ATP11A: variants seen among roughly 807,000 people sequenced by gnomAD.
ATP11A encodes the protein phospholipid-transporting ATPase IH.
Under a neutral mutation model 154.4 loss-of-function variants are expected in ATP11A, and 81 were observed. That is an observed-to-expected ratio of 0.52 (90% CI 0.44 to 0.63). ATP11A has a LOEUF of 0.63. Ranked by LOEUF, ATP11A falls within the 30% of genes least tolerant of loss-of-function variation. The pLI is 0.00. For missense variants in ATP11A, 1,316 were observed against 1,474.3 expected (o/e 0.89, Z 1.76); for synonymous variants, 623 against 585.9 (o/e 1.06, Z -0.91).
intron 20 of ATP11A, among the ~76,000 whole-genome samples, chr13:112,857,146 G>A (rs1373913571): frequency 6.6e-6 from 1 of 152,070 alleles, no homozygotes; most frequent in African/African-American, 2.4e-5. Context: ...ATTAACTTGT[G>A]TTTCAGTTTC....
At chr13:112,778,084 G>A (rs1305707981) in intron 1 of ATP11A, among the ~76,000 whole-genome samples, 1 of 152,184 alleles carries the variant, frequency 6.6e-6, no homozygotes, top group East Asian at 1.9e-4. Flanking sequence ...TCTTCCGTGT[G>A]AATCGTGGAA....
intron 17 of ATP11A, among the ~76,000 whole-genome samples, chr13:112,844,498 A>G (rs1008823835): frequency 2.0e-5 from 3 of 151,558 alleles, no homozygotes; most frequent in Non-Finnish European, 2.9e-5. Context: ...ATCCCTGCCA[A>G]CTCCCACTCG....
chr13:112,728,740 C>CTT, intron 1 of ATP11A, among the ~76,000 whole-genome samples: 1 of 152,162 alleles, frequency 6.6e-6, no homozygotes, highest in Non-Finnish European at 1.5e-5. Flanking sequence ...ATTCATGGAC[C>CTT]TTTAACTACA....
chr13:112,733,839 T>G (rs1271375015), intron 1 of ATP11A, among the ~76,000 whole-genome samples: 1 of 152,224 alleles, frequency 6.6e-6, no homozygotes, highest in Non-Finnish European at 1.5e-5. Context: ...TCCAAGTCAG[T>G]GGACAGCCAA....
In ATP11A at chr13:112,816,136, C is replaced by T; in HGVS notation, c.495C>T (p.Ile165=). 1.9e-6 allele frequency: 3 copies of T among 1,614,232 alleles called. No individual in the cohort carries two copies. Among genetic ancestry groups the T allele is most frequent in the Non-Finnish European group, 2.5e-6 (3 of 1,180,050 alleles). The change falls in exon 6 of 30, where the codon ATC becomes ATT. Residue 165 remains isoleucine (I), a synonymous_variant. Coordinates refer to ENST00000375645, the MANE Select transcript of ATP11A (RefSeq NM_015205.3). ...KEDETFPCDL[I]FLSSNRGDGT... is the part of the protein sequence containing the mutation. ...ACGAGACCTTTCCCTGCGACTTGAT[C>T]TTCCTTTCCAGCAACCGGGGAGATG...
At chr13:112,798,447 G>A (rs1445212449) in intron 2 of ATP11A, among the ~76,000 whole-genome samples, 3 of 152,132 alleles carry the variant, frequency 2.0e-5, no homozygotes, top group Non-Finnish European at 4.4e-5. Context: ...TTCTTAATTG[G>A]TCTAACAGAG....
chr13:112,807,509 C>CA lies in ATP11A; in HGVS notation c.333+1217dup, dbSNP rs761484498. Among the ~76,000 whole-genome samples the CA allele has an allele frequency of 6.6e-6, 1 of 152,178 alleles. No individual in the cohort carries two copies. Among genetic ancestry groups the CA allele is most frequent in the African/African-American group, 2.4e-5 (1 of 41,436 alleles). On this transcript the variant is annotated intron_variant, in intron 4 of 29. Coordinates refer to ENST00000375645, the MANE Select transcript of ATP11A (RefSeq NM_015205.3). The surrounding 1 kb of genome is among the most constrained non-coding windows in gnomAD (Gnocchi z 4.5). ...TGGAGAACAGAACATGAGGGAGACT[C>CA]ACGCTTCCCAAGGACGCGCTGCCTG...
rs373741274 is a variant in ATP11A at position 112,791,571 on chromosome 13, T to A, written c.162+6314T>A. On this transcript the variant is annotated intron_variant, in intron 2 of 29. Transcript: ENST00000375645. ...TTGCCCATGGCGGCTTTGGAGGAGA[T>A]GACAGAGCATGGCGAATTCTGCCTC... Among the ~76,000 whole-genome samples the A allele has an allele frequency of 1.8e-4, 27 of 152,308 alleles. 1 individual carries two copies. The East Asian group carries it at 4.1e-3, about 23-fold the overall frequency.
intron 2 of ATP11A, among the ~76,000 whole-genome samples, chr13:112,803,110 T>C (rs953676503): frequency 1.3e-5 from 2 of 152,210 alleles, no homozygotes; most frequent in Non-Finnish European, 2.9e-5. Flanking sequence ...TAAGGAACTT[T>C]ATTGTGAAAG....
Position 112,844,101 on chromosome 13 carries a change from G to A in ATP11A, c.1809+1722G>A, listed in dbSNP as rs538728789. On this transcript the variant is annotated intron_variant, in intron 17 of 29. Coordinates refer to ENST00000375645, the MANE Select transcript of ATP11A (RefSeq NM_015205.3). Reference sequence around the variant, plus strand: ...GAGGGGGCAGCTCCATCTGCAGCTCGCTTTCCAATAGCGCGAGGCTGTGCT... The same window carrying A: ...GAGGGGGCAGCTCCATCTGCAGCTCACTTTCCAATAGCGCGAGGCTGTGCT... Among the ~76,000 whole-genome samples, 4 of 152,306 alleles carry A rather than the reference G, an allele frequency of 2.6e-5. No homozygotes were observed. The East Asian group carries it at 5.8e-4, about 22-fold the overall frequency.
intron 25 of ATP11A, among the ~76,000 whole-genome samples, chr13:112,863,046 G>GTA (rs1566587817): frequency 1.2e-3 from 76 of 64,074 alleles, no homozygotes; most frequent in African/African-American, 4.2e-3. Flanking sequence ...AGTTCAGTGC[G>GTA]GCCCATGCAG....
At chr13:112,867,646 C>T (rs1312233283) in intron 25 of ATP11A, among the ~76,000 whole-genome samples, 4 of 152,182 alleles carry the variant, frequency 2.6e-5, no homozygotes, top group African/African-American at 4.8e-5. Flanking sequence ...TCCTGGGATC[C>T]GAGGATTTCT....
At chr13:112,867,190 G>GTTCA (rs992483446) in intron 25 of ATP11A, among the ~76,000 whole-genome samples, 3 of 152,158 alleles carry the variant, frequency 2.0e-5, no homozygotes, top group Admixed American at 2.0e-4. Flanking sequence ...CACCACCCTG[G>GTTCA]TTCACTACAA....
intron 2 of ATP11A, among the ~76,000 whole-genome samples, chr13:112,793,671 C>G (rs920273829): frequency 6.6e-6 from 1 of 152,212 alleles, no homozygotes; most frequent in Admixed American, 6.5e-5. Context: ...GATGGGTGTC[C>G]GGCGTCCCCG....
rs914972042 is a variant in ATP11A, at chr13:112,862,482, C to T, written c.2898C>T (p.Ile966=). 2 of 1,614,170 alleles carry T rather than the reference C, an allele frequency of 1.2e-6. No individual in the cohort carries two copies. Among genetic ancestry groups the T allele is most frequent in the African/African-American group, 1.3e-5 (1 of 75,064 alleles). The change falls in exon 25 of 30, where the codon ATC becomes ATT. Residue 966 remains isoleucine, a synonymous_variant. Transcript: ENST00000375645. ...CCCTGCTGCGCTGGCGCGTGTTCAT[C>T]TACTGGACGCTCCTGGGACTGTTTG... ...KNALLRWRVF[I]YWTLLGLFDA...
At chr13:112,802,238 C>T (rs1339459639) in intron 2 of ATP11A, among the ~76,000 whole-genome samples, 1 of 152,014 alleles carries the variant, frequency 6.6e-6, no homozygotes, top group African/African-American at 2.4e-5. Context: ...CCCAATTACT[C>T]AGGAGGCTGA....
At chr13:112,739,248 G>C (rs994631457) in intron 1 of ATP11A, among the ~76,000 whole-genome samples, 5 of 152,176 alleles carry the variant, frequency 3.3e-5, no homozygotes, top group Admixed American at 2.6e-4. Context: ...GCATCCAGAA[G>C]ACACAAAGAA....
At chr13:112,803,741 CCTCCTTCTCTCAT>C (rs2078204177) in intron 2 of ATP11A, among the ~76,000 whole-genome samples, 4 of 131,982 alleles carry the variant, frequency 3.0e-5, no homozygotes, top group African/African-American at 9.3e-5. Context: ...ACCTCCTTCC[CCTCCTTCTCTCAT>C]TCCCCTCCTT....
chr13:112,765,699 T>G (rs1165936065), intron 1 of ATP11A, among the ~76,000 whole-genome samples: 3 of 152,226 alleles, frequency 2.0e-5, no homozygotes, highest in African/African-American at 4.8e-5. Flanking sequence ...ACAAAATATC[T>G]CAGGTGCTAA....
Sources: allele counts gnomAD v4.1 joint callset (sites outside exome capture counted in the v4.1 genomes callset), GRCh38; gene constraint gnomAD v4.1.1; non-coding constraint Gnocchi (gnomAD v3.1); transcripts MANE v1.5; gene names NCBI Gene and HGNC (gene_info 2026-07-23, HGNC 2026-07-21).